Variants in HS3ST4 observed in about 807,000 individuals in gnomAD.
HS3ST4 encodes the protein heparan sulfate-glucosamine 3-sulfotransferase 4, also known as heparan sulfate glucosamine 3-O-sulfotransferase 4.
HS3ST4 carries 17 observed loss-of-function variants against 29.2 expected under a neutral mutation model. The ratio of observed to expected loss-of-function variants is 0.58; its 90% CI spans 0.40 to 0.87. The LOEUF is 0.87. Among genes scored for constraint, HS3ST4 ranks in the 40% least tolerant of loss-of-function variants. The probability of loss-of-function intolerance (pLI) is 0.00; values close to 1 mark genes in which losing one functional copy is unlikely to be tolerated. For missense variants in HS3ST4, 627 were observed against 634.5 expected (o/e 0.99, Z 0.13); for synonymous variants, 314 against 285.7 (o/e 1.10, Z -1.00).
intron 1 of HS3ST4, among the ~76,000 whole-genome samples, chr16:25,720,882 G>T (rs1966488098): frequency 6.6e-6 from 1 of 152,200 alleles, no homozygotes; most frequent in African/African-American, 2.4e-5. Flanking sequence ...TGGACAGTTG[G>T]ATGAACAAGT....
intron 1 of HS3ST4, among the ~76,000 whole-genome samples, chr16:26,061,573 C>A (rs1295012169): frequency 1.3e-5 from 2 of 152,158 alleles, no homozygotes; most frequent in Non-Finnish European, 2.9e-5. Context: ...TACTGTTTGT[C>A]CAGAATTAAT....
intron 1 of HS3ST4, among the ~76,000 whole-genome samples, chr16:25,849,746 A>G (rs931617111): frequency 1.3e-5 from 2 of 151,680 alleles, no homozygotes; most frequent in Non-Finnish European, 2.9e-5. Context: ...GGCTCAAGCA[A>G]TTTGCCTGCC....
chr16:26,130,834 A>T (rs1384995145), intron 1 of HS3ST4, among the ~76,000 whole-genome samples: 2 of 152,190 alleles, frequency 1.3e-5, no homozygotes, highest in Non-Finnish European at 1.5e-5. Context: ...CAGGACATAG[A>T]TGTCCACTTC....
At chr16:26,092,891 C>T (rs1898874337) in intron 1 of HS3ST4, among the ~76,000 whole-genome samples, 1 of 152,130 alleles carries the variant, frequency 6.6e-6, no homozygotes, top group Admixed American at 6.5e-5. Flanking sequence ...CACTCAAATA[C>T]TGCACTTTTC....
chr16:25,893,582 G>A (rs941721270), intron 1 of HS3ST4, among the ~76,000 whole-genome samples: 3 of 152,170 alleles, frequency 2.0e-5, no homozygotes, highest in African/African-American at 7.2e-5. Flanking sequence ...CCATTGGCCA[G>A]CTTTGAGCCA....
chr16:25,737,153 T>C (rs115233300), intron 1 of HS3ST4, among the ~76,000 whole-genome samples: 1,636 of 152,324 alleles, frequency 0.011, 32 homozygotes, highest in African/African-American at 0.038. Context: ...CATTGAATAC[T>C]ACACAGCCAT....
intron 1 of HS3ST4, among the ~76,000 whole-genome samples, chr16:25,971,648 G>A (rs1968900113): frequency 6.6e-6 from 1 of 152,214 alleles, no homozygotes; most frequent in Non-Finnish European, 1.5e-5. Context: ...ATTCTGGGCA[G>A]GGCGTGGTGG....
intron 1 of HS3ST4, among the ~76,000 whole-genome samples, chr16:25,893,103 T>G (rs1369889414): frequency 6.6e-6 from 1 of 151,908 alleles, no homozygotes; most frequent in East Asian, 1.9e-4. Flanking sequence ...ATGTGGGGAA[T>G]GGTGTGCAAG....
intron 1 of HS3ST4, among the ~76,000 whole-genome samples, chr16:25,961,445 C>A (rs1449766681): frequency 6.6e-6 from 1 of 152,216 alleles, no homozygotes; most frequent in Non-Finnish European, 1.5e-5. Flanking sequence ...GATTCACACT[C>A]ATGTGATTTA....
rs570194852 is a variant in HS3ST4 at position 26,054,157 on chromosome 16, T to A, written c.735-81455T>A. Among the ~76,000 whole-genome samples, 6 of 152,120 alleles carry A rather than the reference T, an allele frequency of 3.9e-5. No individual in the cohort carries two copies. The South Asian group carries it at 1.2e-3, about 32-fold the overall frequency. On this transcript the variant is annotated intron_variant, in intron 1 of 1. Transcript: ENST00000331351. The stretch of plus-strand genomic sequence containing the variant: ...GTGCCCTGGGCAAGAGGAACAAATA[T>A]TTGTGAAGGGTATCTCCTCAGGGTA...
chr16:25,960,177 T>G (rs1362831086), intron 1 of HS3ST4, among the ~76,000 whole-genome samples: 1 of 152,134 alleles, frequency 6.6e-6, no homozygotes, highest in Non-Finnish European at 1.5e-5. Flanking sequence ...TCTCCCTTGC[T>G]CACTCTCTGG....
At chr16:25,911,266 C>G (rs1016029466) in intron 1 of HS3ST4, among the ~76,000 whole-genome samples, 15 of 152,162 alleles carry the variant, frequency 9.9e-5, no homozygotes, top group Admixed American at 6.5e-4. Context: ...TTAGAGAGTG[C>G]CTGCCCATCC....
At chr16:26,063,472 G>GT (rs765090067) in intron 1 of HS3ST4, among the ~76,000 whole-genome samples, 10 of 150,922 alleles carry the variant, frequency 6.6e-5, no homozygotes, top group Non-Finnish European at 1.5e-4. Flanking sequence ...GAAGCCAGGA[G>GT]TTTGAGACCA....
At chr16:26,125,965 C>T (rs976027947) in intron 1 of HS3ST4, among the ~76,000 whole-genome samples, 1 of 152,224 alleles carries the variant, frequency 6.6e-6, no homozygotes, top group Non-Finnish European at 1.5e-5. Context: ...TTCTGTAGAA[C>T]AGATAAATTA....
At chr16:25,704,341 A>G (rs995735806) in intron 1 of HS3ST4, among the ~76,000 whole-genome samples, 2 of 152,178 alleles carry the variant, frequency 1.3e-5, no homozygotes, top group South Asian at 2.1e-4. Context: ...ACATTATTTC[A>G]TTTATTCCTC....
At chr16:25,857,970 TTCTC>T (rs1302881090) in intron 1 of HS3ST4, among the ~76,000 whole-genome samples, 75 of 53,986 alleles carry the variant, frequency 1.4e-3, no homozygotes, top group African/African-American at 6.7e-3. Flanking sequence ...CTTTCTTTCT[TTCTC>T]TTTTCTGTCT....
At chr16:25,712,531 TAAAAA>T (rs904129789) in intron 1 of HS3ST4, among the ~76,000 whole-genome samples, 43 of 151,540 alleles carry the variant, frequency 2.8e-4, no homozygotes, top group African/African-American at 1.0e-3. Flanking sequence ...TATAAAAAAA[TAAAAA>T]GAATGAAACA....
At chr16:25,768,220 C>T (rs545563284) in intron 1 of HS3ST4, among the ~76,000 whole-genome samples, 1 of 152,298 alleles carries the variant, frequency 6.6e-6, no homozygotes, top group East Asian at 1.9e-4. Context: ...CAATGCATGT[C>T]TAAATCAATA....
chr16:25,857,568 C>G (rs972061337), intron 1 of HS3ST4, among the ~76,000 whole-genome samples: 1 of 152,080 alleles, frequency 6.6e-6, no homozygotes, highest in African/African-American at 2.4e-5. Context: ...GGGTGTTTAT[C>G]GTGTTTGTAC....
Sources: gnomAD v4.1 joint callset for allele counts (sites outside exome capture counted in the v4.1 genomes callset) on GRCh38, gnomAD v4.1.1 for gene constraint, MANE v1.5 for transcripts, NCBI Gene and HGNC (gene_info 2026-07-23, HGNC 2026-07-21) for gene names.